The following STXBP6 variants were observed in gnomAD, a reference collection of about 807,000 sequenced individuals.
The protein encoded by STXBP6 is syntaxin-binding protein 6.
Under a neutral mutation model 26.9 loss-of-function variants are expected in STXBP6, and 21 were observed. The ratio of observed to expected loss-of-function variants is 0.78; its 90% CI spans 0.55 to 1.12. The LOEUF (loss-of-function observed/expected upper bound fraction) is 1.12. STXBP6 is among the 50% of genes most tolerant of loss of function. The pLI is 0.00. For missense variants in STXBP6, 232 were observed against 257.9 expected (o/e 0.90, Z 0.69); for synonymous variants, 97 against 92.6 (o/e 1.05, Z -0.27).
At chr14:24,825,928 G>A (rs1441319160) in intron 4 of STXBP6, among the ~76,000 whole-genome samples, 1 of 152,022 alleles carries the variant, frequency 6.6e-6, no homozygotes, top group African/African-American at 2.4e-5. Flanking sequence ...ACTTCTTTTG[G>A]GTCTGTTTTG....
chr14:24,934,836 TAGG>T (rs1191382809), intron 2 of STXBP6, among the ~76,000 whole-genome samples: 6 of 152,130 alleles, frequency 3.9e-5, no homozygotes, highest in Non-Finnish European at 7.4e-5. Context: ...ATTTTGTTGT[TAGG>T]AGGTCAGAGG....
At chr14:25,043,288 A>C (rs2075671913) in intron 1 of STXBP6, among the ~76,000 whole-genome samples, 1 of 152,228 alleles carries the variant, frequency 6.6e-6, no homozygotes, top group African/African-American at 2.4e-5. Context: ...AGCCAAAGAC[A>C]AACAAGGATA....
At chr14:24,879,442 A>G (rs2070271759) in intron 2 of STXBP6, among the ~76,000 whole-genome samples, 1 of 152,208 alleles carries the variant, frequency 6.6e-6, no homozygotes, top group Non-Finnish European at 1.5e-5. Flanking sequence ...TATTGATCGA[A>G]AGATAAAAAA....
At chr14:24,891,153 G>A (rs1178727542) in intron 2 of STXBP6, among the ~76,000 whole-genome samples, 1 of 152,170 alleles carries the variant, frequency 6.6e-6, no homozygotes, top group Non-Finnish European at 1.5e-5. Context: ...ACTTTGGACA[G>A]TATGTTAATT....
chr14:24,845,300 C>T (rs879579549), intron 4 of STXBP6, among the ~76,000 whole-genome samples: 5 of 152,292 alleles, frequency 3.3e-5, no homozygotes, highest in South Asian at 2.1e-4. Flanking sequence ...GCATGAGCCA[C>T]CGCGCCTGGC....
At chr14:25,013,853 T>C (rs189137826) in intron 1 of STXBP6, among the ~76,000 whole-genome samples, 3 of 152,028 alleles carry the variant, frequency 2.0e-5, no homozygotes, top group Non-Finnish European at 4.4e-5. Context: ...ATGTGGATAC[T>C]GTTACAAACT....
At chr14:24,862,309 G>A (rs1019675976) in intron 2 of STXBP6, among the ~76,000 whole-genome samples, 23 of 152,236 alleles carry the variant, frequency 1.5e-4, no homozygotes, top group Admixed American at 1.0e-3. Context: ...AAACCTGGAT[G>A]TTTTAAGGAA....
chr14:24,849,883 A>T (rs1465336426), intron 4 of STXBP6, among the ~76,000 whole-genome samples: 1 of 152,142 alleles, frequency 6.6e-6, no homozygotes, highest in East Asian at 1.9e-4. Flanking sequence ...TTTGATCCCT[A>T]GGGGAAAAAT....
chr14:24,975,834 C>T (rs966824834), intron 1 of STXBP6, among the ~76,000 whole-genome samples: 1 of 152,192 alleles, frequency 6.6e-6, no homozygotes, highest in Admixed American at 6.5e-5. Context: ...AAAGATTCTA[C>T]AGCAACTTGA....
intron 4 of STXBP6, among the ~76,000 whole-genome samples, chr14:24,851,499 G>A (rs1015036963): frequency 1.4e-5 from 2 of 143,830 alleles, no homozygotes; most frequent in Admixed American, 7.6e-5. Context: ...TTGGTTTTTT[G>A]TCCTTGCAAC....
In STXBP6 at chr14:24,811,890, A is replaced by C. The variant is rs1202005138; in HGVS notation, c.*819T>G. 1 of 152,192 alleles carries C rather than the reference A, an allele frequency of 6.6e-6. No homozygotes were observed. Among genetic ancestry groups the C allele is most frequent in the African/African-American group, 2.4e-5 (1 of 41,444 alleles). The allele number at this position is 152,192 out of a possible 1,614,324, so 9.4% of individuals were successfully genotyped here. A position where few individuals can be genotyped will look rare whatever the true frequency, so the allele number is the denominator to read the frequency against. On this transcript the variant is annotated 3_prime_UTR_variant, in exon 6 of 6. Coordinates refer to ENST00000323944, the MANE Select transcript of STXBP6 (RefSeq NM_001394410.1). ...TTGATAAAAATATAAGCACTTTTCC[A>C]TACCAGCGACCATCACTATGACAGT...
At chr14:24,900,743 A>T (rs1313419963) in intron 2 of STXBP6, among the ~76,000 whole-genome samples, 1 of 152,212 alleles carries the variant, frequency 6.6e-6, no homozygotes, top group Non-Finnish European at 1.5e-5. Flanking sequence ...TGTGAAAATG[A>T]CAGGATGTTG....
intron 2 of STXBP6, among the ~76,000 whole-genome samples, chr14:24,918,465 C>CACACACAT (rs2071854570): frequency 7.3e-6 from 1 of 136,524 alleles, no homozygotes; most frequent in Non-Finnish European, 1.5e-5. Flanking sequence ...CACACACACA[C>CACACACAT]ACACACACAC....
chr14:24,853,335 G>A (rs570948997), intron 4 of STXBP6, among the ~76,000 whole-genome samples: 3 of 152,104 alleles, frequency 2.0e-5, no homozygotes, highest in Middle Eastern at 3.4e-3. Flanking sequence ...AATTTATCAG[G>A]GTGTGTTGGC....
rs114971112 is a variant in STXBP6, at chr14:24,878,268, G to A, written c.155-21111C>T. Among the ~76,000 whole-genome samples, 807 of 152,004 alleles carry A rather than the reference G, an allele frequency of 5.3e-3. 3 individuals carry two copies. Among genetic ancestry groups the A allele is most frequent in the African/African-American group, 0.014 (571 of 41,484 alleles). On this transcript the variant is annotated intron_variant, in intron 2 of 5. Transcript: ENST00000323944. ...TCAATGTTTTCTTCTATGGTGTCAC[G>A]ATTTTCAGTCGTGGTCAGGAAATCC...
At chr14:24,942,297 T>C (rs1307741601) in intron 2 of STXBP6, among the ~76,000 whole-genome samples, 1 of 152,226 alleles carries the variant, frequency 6.6e-6, no homozygotes, top group Non-Finnish European at 1.5e-5. Context: ...GCCTCATTTT[T>C]ACCAGGGAAA....
At chr14:25,029,987 T>C (rs2075422337) in intron 1 of STXBP6, among the ~76,000 whole-genome samples, 1 of 152,212 alleles carries the variant, frequency 6.6e-6, no homozygotes, top group African/African-American at 2.4e-5. Context: ...GGCAGGGAGC[T>C]GAACACTTTG....
chr14:25,050,011 C>T lies in STXBP6; in HGVS notation c.-166G>A. 7.6e-6 allele frequency: 3 copies of T among 392,410 alleles called. No homozygotes were observed. The highest frequency in any genetic ancestry group is 1.0e-5 in the Non-Finnish European group (3 of 288,150). 24.3% of individuals were successfully genotyped at this position (392,410 alleles called of 1,614,324 possible). On this transcript the variant is annotated 5_prime_UTR_variant, in exon 1 of 6. Coordinates refer to ENST00000323944, the MANE Select transcript of STXBP6 (RefSeq NM_001394410.1). ...GGCTTAGCCGGCCCGGGTGCTGGCTCGCCGCCGCTCGCGGCTCCCGCGCCG... is the reference window on the plus strand; with the variant it reads ...GGCTTAGCCGGCCCGGGTGCTGGCTTGCCGCCGCTCGCGGCTCCCGCGCCG...
chr14:24,984,810 A>C (rs547081422), intron 1 of STXBP6, among the ~76,000 whole-genome samples: 7 of 152,226 alleles, frequency 4.6e-5, no homozygotes, highest in Non-Finnish European at 8.8e-5. Flanking sequence ...CAGATGAGGA[A>C]ACTAAAGCTA....
Sources: gnomAD v4.1 joint callset for allele counts (sites outside exome capture counted in the v4.1 genomes callset) on GRCh38, gnomAD v4.1.1 for gene constraint, MANE v1.5 for transcripts, NCBI Gene and HGNC (gene_info 2026-07-23, HGNC 2026-07-21) for gene names.